Variants in UGT1A5 observed in about 807,000 individuals in gnomAD.
The protein encoded by UGT1A5 is UDP-glucuronosyltransferase 1A5.
A neutral mutation model predicts 40.3 loss-of-function variants in UGT1A5; 29 were observed. The ratio of observed to expected loss-of-function variants is 0.72; its 90% CI spans 0.54 to 0.98. UGT1A5 has a LOEUF of 0.98. Ranked by LOEUF, UGT1A5 falls within the 50% of genes least tolerant of loss-of-function variation. The pLI, the probability that UGT1A5 is intolerant of heterozygous loss-of-function variation, is 0.00. For synonymous variants in UGT1A5, 257 were observed against 262.5 expected (o/e 0.98, Z 0.20); for missense variants, 678 against 677.9 (o/e 1.00, Z 0.00).
intron 1 of UGT1A5, among the ~76,000 whole-genome samples, chr2:233,759,071 G>A (rs574786378): frequency 6.6e-6 from 1 of 152,312 alleles, no homozygotes; most frequent in South Asian, 2.1e-4. Context: ...AAGGAATTTG[G>A]AAGAAAGAGA....
chr2:233,767,896 C>T lies in UGT1A5; in HGVS notation c.1047C>T (p.Asn349=), dbSNP rs1260686155. ...CCCGACCATCGAATCTTGCGAACAACACGATACTTGTTAAGTGGCTACCCC... is the reference window on the plus strand; with the variant it reads ...CCCGACCATCGAATCTTGCGAACAATACGATACTTGTTAAGTGGCTACCCC... ...TGTRPSNLAN[N]TILVKWLPQN... The change falls in exon 3 of 5, where the codon AAC becomes AAT. Residue 349 remains asparagine (N), a synonymous_variant. Transcript: ENST00000373414. 2.5e-6 allele frequency: 4 copies of T among 1,614,050 alleles called. No homozygotes were observed. Among genetic ancestry groups the T allele is most frequent in the African/African-American group, 1.3e-5 (1 of 74,912 alleles).
At chr2:233,719,441 C>T (rs2076766759) in intron 1 of UGT1A5, 2 of 1,613,982 alleles carry the variant, frequency 1.2e-6, no homozygotes, top group Non-Finnish European at 1.7e-6. Flanking sequence ...ACATGACATT[C>T]CTGCAAAGGG....
chr2:233,718,671 G>A (rs2125661648), intron 1 of UGT1A5: 2 of 1,551,780 alleles, frequency 1.3e-6, no homozygotes, highest in Non-Finnish European at 1.7e-6. Flanking sequence ...ATAGATTAAT[G>A]GGTAATAAGT....
intron 1 of UGT1A5, chr2:233,755,246 CAGCACCTCGTAGT>C (rs1394904352): frequency 2.4e-6 from 2 of 850,962 alleles, no homozygotes; most frequent in Non-Finnish European, 3.5e-6. Flanking sequence ...GGGGTACTCC[CAGCACCTCGTAGT>C]AGTCCACTAT....
intron 1 of UGT1A5, among the ~76,000 whole-genome samples, chr2:233,764,949 G>A (rs1698700873): frequency 6.6e-6 from 1 of 152,108 alleles, no homozygotes. Context: ...GGCGGGGAGA[G>A]AGGGCTCACC....
intron 1 of UGT1A5, among the ~76,000 whole-genome samples, chr2:233,758,259 G>T (rs1163749283): frequency 6.6e-6 from 1 of 152,184 alleles, no homozygotes; most frequent in Non-Finnish European, 1.5e-5. Context: ...AGATTAGTAA[G>T]TATTTCTTGG....
intron 1 of UGT1A5, among the ~76,000 whole-genome samples, chr2:233,766,606 C>T (rs961105676): frequency 6.6e-6 from 1 of 152,198 alleles, no homozygotes; most frequent in Non-Finnish European, 1.5e-5. Context: ...GGACCACACC[C>T]TCTTCTACCC....
At chr2:233,762,916 A>C (rs1698195607) in intron 1 of UGT1A5, among the ~76,000 whole-genome samples, 2 of 152,252 alleles carry the variant, frequency 1.3e-5, no homozygotes, top group African/African-American at 4.8e-5. Flanking sequence ...TATTGAATTT[A>C]TTAGAATCTC....
intron 1 of UGT1A5, chr2:233,753,490 A>G (rs1695218587): frequency 6.6e-6 from 1 of 152,190 alleles, no homozygotes. Flanking sequence ...GCTGCTCTTA[A>G]TTTTTTTCAG....
At chr2:233,717,276 T>C (rs760496544) in intron 1 of UGT1A5, among the ~76,000 whole-genome samples, 4 of 152,156 alleles carry the variant, frequency 2.6e-5, no homozygotes, top group Admixed American at 1.3e-4. Context: ...GTTGAGAAGC[T>C]GAGATGTTGC....
intron 1 of UGT1A5, among the ~76,000 whole-genome samples, chr2:233,745,628 G>GA (rs922569313): frequency 1.5e-4 from 22 of 151,674 alleles, no homozygotes; most frequent in Non-Finnish European, 1.8e-4. Context: ...AACAGTCATA[G>GA]AAAGCTGGCC....
chr2:233,761,536 A>C (rs1039884807), intron 1 of UGT1A5, among the ~76,000 whole-genome samples: 1 of 152,248 alleles, frequency 6.6e-6, no homozygotes, highest in Non-Finnish European at 1.5e-5. Context: ...TGATGAAATC[A>C]TTCTTTGATG....
intron 1 of UGT1A5, chr2:233,718,132 G>GTGGTCGCCGT: frequency 4.2e-6 from 1 of 238,638 alleles, no homozygotes; most frequent in Non-Finnish European, 8.7e-6. Flanking sequence ...GGTGTAGATG[G>GTGGTCGCCGT]AGAATCCTCA....
At chr2:233,768,582 CTTTTTTTTT>C (rs139595073) in intron 4 of UGT1A5, 143 bp downstream of exon 4, 1,382 of 1,030,410 alleles carry the variant, frequency 1.3e-3, no homozygotes, top group Middle Eastern at 4.4e-3. Flanking sequence ...TTTATTTCTT[CTTTTTTTTT>C]TTTTTTTTTT....
Position 233,772,633 on chromosome 2 carries a change from T to G in UGT1A5, c.*74T>G. The G allele has an allele frequency of 6.4e-7, 1 of 1,555,996 alleles. No homozygotes were observed. Among genetic ancestry groups the G allele is most frequent in the Non-Finnish European group, 8.7e-7 (1 of 1,149,842 alleles). On this transcript the variant is annotated 3_prime_UTR_variant, in exon 5 of 5. Transcript: ENST00000373414. ...TCCAAACTTGAAAACAGAATCAGTG[T>G]TAAATTCATTTTATTCTTATTAAGG... is the stretch of plus-strand genomic sequence containing the variant.
At chr2:233,724,944 C>G (rs1166254724) in intron 1 of UGT1A5, among the ~76,000 whole-genome samples, 4 of 144,592 alleles carry the variant, frequency 2.8e-5, no homozygotes, top group African/African-American at 1.1e-4. Context: ...CGTCTGCAAT[C>G]CCGGCACCTC....
At chr2:233,724,154 G>T (rs1327662182) in intron 1 of UGT1A5, among the ~76,000 whole-genome samples, 4 of 77,654 alleles carry the variant, frequency 5.2e-5, no homozygotes, top group Admixed American at 3.5e-4. Flanking sequence ...CTGGCCGGGT[G>T]GGGGGGCTGA....
intron 1 of UGT1A5, among the ~76,000 whole-genome samples, chr2:233,717,159 C>A (rs961271798): frequency 3.3e-5 from 5 of 152,194 alleles, no homozygotes; most frequent in African/African-American, 1.2e-4. Context: ...AACATGGGAG[C>A]CCCTTGAATG....
rs758031379 is a variant in UGT1A5, at chr2:233,713,374, G to C, written c.383G>C (p.Cys128Ser). ...ATGTCTTTGATCATACATAGGTCTTGTGTGGAGCTACTGCATAATGAGGCC... is the reference window on the plus strand; with the variant it reads ...ATGTCTTTGATCATACATAGGTCTTCTGTGGAGCTACTGCATAATGAGGCC... ...NNMSLIIHRS[C>S]VELLHNEALI... Residue 128 changes from cysteine to serine, a missense_variant, in exon 1 of 5, where the codon TGT (cysteine) becomes TCT (serine). Transcript: ENST00000373414. 6.2e-7 allele frequency: 1 copy of C among 1,614,186 alleles called. No homozygotes were observed. Among genetic ancestry groups the C allele is most frequent in the Non-Finnish European group, 8.5e-7 (1 of 1,180,034 alleles).
Sources: gnomAD v4.1 joint callset for allele counts (sites outside exome capture counted in the v4.1 genomes callset) on GRCh38, gnomAD v4.1.1 for gene constraint, MANE v1.5 for transcripts, NCBI Gene and HGNC (gene_info 2026-07-23, HGNC 2026-07-21) for gene names.